Variants in MCTP2 observed in about 807,000 individuals in gnomAD.
MCTP2 encodes multiple C2 and transmembrane domain containing 2.
Under a neutral mutation model 111.6 loss-of-function variants are expected in MCTP2, and 132 were observed. The ratio of observed to expected loss-of-function variants is 1.18; its 90% confidence interval spans 1.03 to 1.37. The LOEUF is 1.37. Among genes scored for constraint, MCTP2 ranks in the 40% most tolerant of loss-of-function variants. The probability of loss-of-function intolerance (pLI) is 0.00; values close to 1 mark genes in which losing one functional copy is unlikely to be tolerated. For synonymous variants in MCTP2, 395 were observed against 387.7 expected, an observed-to-expected ratio of 1.02 and a Z score of -0.22; for missense variants, 1,183 against 1,067.9, an observed-to-expected ratio of 1.11 and a Z score of -1.50.
intron 1 of MCTP2, among the ~76,000 whole-genome samples, chr15:94,244,634 CTA>C (rs749383126): frequency 3.2e-4 from 46 of 145,242 alleles, no homozygotes; most frequent in Non-Finnish European, 5.1e-4. Context: ...ACATATGCAC[CTA>C]TGTTTATAAA....
chr15:94,341,172 G>A, intron 7 of MCTP2: 2 of 414,642 alleles, frequency 4.8e-6, no homozygotes, highest in Non-Finnish European at 8.8e-6. Flanking sequence ...TACATTTGCA[G>A]CATTTTGGTT....
chr15:94,327,423 A>G (rs2076932844), intron 4 of MCTP2, among the ~76,000 whole-genome samples: 1 of 152,128 alleles, frequency 6.6e-6, no homozygotes, highest in South Asian at 2.1e-4. Context: ...TTTGATTCCT[A>G]TTGATGTTGT....
At chr15:94,373,368 A>G (rs1312265964) in intron 12 of MCTP2, among the ~76,000 whole-genome samples, 1 of 152,226 alleles carries the variant, frequency 6.6e-6, no homozygotes, top group Non-Finnish European at 1.5e-5. Flanking sequence ...TGTTTTATCT[A>G]TAAAGGAAAA....
chr15:94,244,480 TTATA>T (rs1291320457), intron 1 of MCTP2, among the ~76,000 whole-genome samples: 1 of 147,158 alleles, frequency 6.8e-6, no homozygotes, highest in Non-Finnish European at 1.5e-5. Context: ...GCACCTATGT[TTATA>T]TACGTATATG....
intron 3 of MCTP2, 56 bp from the exon 4 acceptor site, chr15:94,315,473 A>G (rs2076336947): frequency 2.3e-6 from 3 of 1,299,548 alleles, no homozygotes; most frequent in Non-Finnish European, 3.3e-6. Context: ...TATTTCTGAA[A>G]TTCTCTTGCT....
At chr15:94,257,592 T>TTTTTTTTTTTTTG in intron 1 of MCTP2, among the ~76,000 whole-genome samples, 1 of 57,716 alleles carries the variant, frequency 1.7e-5, no homozygotes, top group South Asian at 6.6e-4. Flanking sequence ...TTTTTTTTTT[T>TTTTTTTTTTTTTG]TTTTTTTTTT....
At chr15:94,452,188 A>G (rs1484817331) in intron 19 of MCTP2, among the ~76,000 whole-genome samples, 2 of 152,190 alleles carry the variant, frequency 1.3e-5, no homozygotes, top group East Asian at 3.8e-4. Context: ...CTAATACTAA[A>G]GGCTATGTAA....
At chr15:94,436,271 C>T (rs750154718) in intron 17 of MCTP2, among the ~76,000 whole-genome samples, 1 of 152,172 alleles carries the variant, frequency 6.6e-6, no homozygotes, top group South Asian at 2.1e-4. Flanking sequence ...ATCAAAGATA[C>T]AAACATTTTT....
chr15:94,339,935 G>T (rs2077547152), intron 5 of MCTP2, among the ~76,000 whole-genome samples: 1 of 152,204 alleles, frequency 6.6e-6, no homozygotes, highest in Non-Finnish European at 1.5e-5. Context: ...GGTCCATTGT[G>T]CATAACATTT....
intron 20 of MCTP2, among the ~76,000 whole-genome samples, chr15:94,467,525 T>TGGGGTTG (rs1031834062): frequency 2.6e-5 from 4 of 152,102 alleles, no homozygotes; most frequent in African/African-American, 9.7e-5. Context: ...GCCCGCGGGT[T>TGGGGTTG]GGGGTTGGGG....
chr15:94,386,641 C>A (rs958169975), intron 14 of MCTP2, among the ~76,000 whole-genome samples: 1 of 151,822 alleles, frequency 6.6e-6, no homozygotes, highest in African/African-American at 2.4e-5. Flanking sequence ...GATTTCCCCC[C>A]CTTTTTTTTT....
chr15:94,355,166 T>C (rs1425276765), intron 8 of MCTP2, among the ~76,000 whole-genome samples: 3 of 152,230 alleles, frequency 2.0e-5, no homozygotes, highest in Admixed American at 6.5e-5. Flanking sequence ...GTGTATTTAA[T>C]ATGCTAGACA....
At chr15:94,436,878 C>A (rs978514546) in intron 17 of MCTP2, among the ~76,000 whole-genome samples, 1 of 151,004 alleles carries the variant, frequency 6.6e-6, no homozygotes, top group African/African-American at 2.4e-5. Flanking sequence ...CCCCAAAAAA[C>A]GTAACAATAG....
chr15:94,288,093 A>C (rs536073892), intron 1 of MCTP2, among the ~76,000 whole-genome samples: 1 of 152,320 alleles, frequency 6.6e-6, no homozygotes, highest in African/African-American at 2.4e-5. Context: ...TATGCTTTCT[A>C]TTCGGTAAAA....
chr15:94,414,561 G>A (rs754613357), intron 17 of MCTP2, among the ~76,000 whole-genome samples: 25 of 152,318 alleles, frequency 1.6e-4, no homozygotes, highest in African/African-American at 2.2e-4. Context: ...GGAACAGGAC[G>A]TGTTCATCAG....
At chr15:94,243,719 A>G (rs889072641) in intron 1 of MCTP2, among the ~76,000 whole-genome samples, 1 of 120,236 alleles carries the variant, frequency 8.3e-6, no homozygotes, top group Non-Finnish European at 1.8e-5. Flanking sequence ...ATATATGTAT[A>G]CACATACATA....
intron 19 of MCTP2, among the ~76,000 whole-genome samples, chr15:94,453,467 G>C (rs1282242821): frequency 6.6e-6 from 1 of 152,222 alleles, no homozygotes. Flanking sequence ...GCCAGGGCCT[G>C]TAAGATTCAG....
chr15:94,374,938 C>CT (rs1204600735), intron 12 of MCTP2, among the ~76,000 whole-genome samples: 1 of 152,148 alleles, frequency 6.6e-6, no homozygotes, highest in African/African-American at 2.4e-5. Flanking sequence ...AATATCCTCT[C>CT]TTTTTATAGC....
At chr15:94,340,349 G>A in intron 6 of MCTP2, 74 bp downstream of exon 6, 5 of 1,086,516 alleles carry the variant, frequency 4.6e-6, no homozygotes, top group Middle Eastern at 2.0e-4. Context: ...AATGGTGCTT[G>A]TTGAGGTCAA....
Sources: allele counts gnomAD v4.1 joint callset (sites outside exome capture counted in the v4.1 genomes callset), GRCh38; gene constraint gnomAD v4.1.1; transcripts MANE v1.5; gene names NCBI Gene and HGNC (gene_info 2026-07-23, HGNC 2026-07-21).